The following HTR1F variants were observed in gnomAD, a reference collection of about 807,000 sequenced individuals.
HTR1F encodes 5-hydroxytryptamine receptor 1F, also known as 5-hydroxytryptamine (serotonin) receptor 1F, G protein-coupled.
HTR1F carries 17 observed loss-of-function variants against 24.0 expected under a neutral mutation model. The ratio of observed to expected loss-of-function variants is 0.71; its 90% CI spans 0.48 to 1.06. The LOEUF (loss-of-function observed/expected upper bound fraction) is 1.06. Ranked by LOEUF, HTR1F falls within the 50% of genes least tolerant of loss-of-function variation. The pLI is 0.00. For missense variants in HTR1F, 391 were observed against 427.8 expected, an observed-to-expected ratio of 0.91 and a Z score of 0.76; for synonymous variants, 186 against 156.8, an observed-to-expected ratio of 1.19 and a Z score of -1.39.
Position 87,836,276 on chromosome 3 carries a change from A to G in HTR1F, c.-43+14152A>G, listed in dbSNP as rs1375553878. ...AAGTTAATGTAGTCATAAAATTACC[A>G]TTAGCGAGAGAATAGTCTCATTCAT... On this transcript the variant is annotated intron_variant, in intron 2 of 2. Coordinates refer to ENST00000319595, the MANE Select transcript of HTR1F (RefSeq NM_001322209.2). 2.0e-5 allele frequency among the ~76,000 whole-genome samples: 3 copies of G among 152,310 alleles called. No homozygotes were observed. The East Asian group carries it at 5.8e-4, about 29-fold the overall frequency.
At chr3:87,882,434 A>G (rs575952473) in intron 2 of HTR1F, among the ~76,000 whole-genome samples, 174 of 152,228 alleles carry the variant, frequency 1.1e-3, no homozygotes, top group African/African-American at 4.1e-3. Context: ...ACTATTCACA[A>G]TAGCAAAGAC....
At chr3:87,899,160 T>A (rs1351116826) in intron 2 of HTR1F, among the ~76,000 whole-genome samples, 1 of 152,198 alleles carries the variant, frequency 6.6e-6, no homozygotes, top group Non-Finnish European at 1.5e-5. Flanking sequence ...AATACTGTCC[T>A]TTGACAATGC....
intron 2 of HTR1F, among the ~76,000 whole-genome samples, chr3:87,874,114 G>C (rs969424981): frequency 2.6e-5 from 4 of 151,958 alleles, no homozygotes; most frequent in African/African-American, 9.7e-5. Context: ...CATGATAATG[G>C]AGTTCCTAGC....
chr3:87,890,924 C>T (rs930157627), intron 2 of HTR1F, among the ~76,000 whole-genome samples: 1 of 151,654 alleles, frequency 6.6e-6, no homozygotes, highest in Non-Finnish European at 1.5e-5. Context: ...TCACTGCAAC[C>T]TGTGCCTCCC....
chr3:87,860,627 T>C (rs1705297585), intron 2 of HTR1F, among the ~76,000 whole-genome samples: 1 of 152,194 alleles, frequency 6.6e-6, no homozygotes, highest in Non-Finnish European at 1.5e-5. Context: ...ATACACATAG[T>C]GAGAGATCCA....
At chr3:87,857,375 G>GATGT (rs1163442568) in intron 2 of HTR1F, among the ~76,000 whole-genome samples, 1 of 152,006 alleles carries the variant, frequency 6.6e-6, no homozygotes, top group African/African-American at 2.4e-5. Context: ...ATAGGAAATA[G>GATGT]ATGTTTTTAA....
chr3:87,798,752 C>G (rs1219393156), intron 1 of HTR1F, among the ~76,000 whole-genome samples: 2 of 152,290 alleles, frequency 1.3e-5, no homozygotes, highest in East Asian at 3.9e-4. Context: ...ACTGAAAACT[C>G]AGCTCACCGA....
At chr3:87,958,625 A>C (rs1704996517) in intron 2 of HTR1F, among the ~76,000 whole-genome samples, 1 of 151,612 alleles carries the variant, frequency 6.6e-6, no homozygotes, top group South Asian at 2.1e-4. Flanking sequence ...ATTGCTAATG[A>C]CTTTCTAACA....
intron 2 of HTR1F, among the ~76,000 whole-genome samples, chr3:87,987,791 TATA>T: frequency 7.1e-6 from 1 of 139,926 alleles, no homozygotes; most frequent in Non-Finnish European, 1.5e-5. Flanking sequence ...ATTTTATATA[TATA>T]AAATATATGT....
intron 2 of HTR1F, among the ~76,000 whole-genome samples, chr3:87,924,636 T>C (rs1704083033): frequency 6.6e-6 from 1 of 152,198 alleles, no homozygotes; most frequent in African/African-American, 2.4e-5. Context: ...ATAGCATTGC[T>C]GGGTACACTA....
chr3:87,821,002 T>C (rs1325494308), intron 1 of HTR1F, among the ~76,000 whole-genome samples: 1 of 152,180 alleles, frequency 6.6e-6, no homozygotes, highest in Non-Finnish European at 1.5e-5. Flanking sequence ...TCTCACTGAT[T>C]TGGACAACAA....
At position 87,800,630 on chromosome 3, in the gene HTR1F, T is replaced by G. The variant is rs1294620195; in HGVS notation, c.-160+7788T>G. Among the ~76,000 whole-genome samples the G allele has an allele frequency of 5.9e-5, 9 of 152,198 alleles. No individual in the cohort carries two copies. In the South Asian group the frequency reaches 6.2e-4, roughly 10 times the overall value. On this transcript the variant is annotated intron_variant, in intron 1 of 2. Coordinates refer to ENST00000319595, the MANE Select transcript of HTR1F (RefSeq NM_001322209.2). ...TGGAGTCTTTTCCATCTCTGTATCTTCAGACTGAATGAACTGTAGTGCTCA... is the reference window on the plus strand; with the variant it reads ...TGGAGTCTTTTCCATCTCTGTATCTGCAGACTGAATGAACTGTAGTGCTCA...
chr3:87,853,804 C>G (rs1705140765), intron 2 of HTR1F, among the ~76,000 whole-genome samples: 2 of 152,100 alleles, frequency 1.3e-5, no homozygotes, highest in African/African-American at 2.4e-5. Flanking sequence ...TTGCATTTCT[C>G]TAGTGATCAG....
At chr3:87,976,478 C>A (rs1705396945) in intron 2 of HTR1F, among the ~76,000 whole-genome samples, 1 of 152,082 alleles carries the variant, frequency 6.6e-6, no homozygotes, top group Non-Finnish European at 1.5e-5. Context: ...GTCTGGGCAA[C>A]ATAGCAAGAC....
intron 2 of HTR1F, among the ~76,000 whole-genome samples, chr3:87,917,335 C>A (rs559757143): frequency 6.8e-6 from 1 of 145,998 alleles, no homozygotes; most frequent in Non-Finnish European, 1.5e-5. Flanking sequence ...CCATACCCAG[C>A]AGAAGAATGG....
intron 2 of HTR1F, among the ~76,000 whole-genome samples, chr3:87,823,637 C>T (rs1012051740): frequency 1.3e-5 from 2 of 151,836 alleles, no homozygotes; most frequent in African/African-American, 4.8e-5. Context: ...ACCTCAGCCT[C>T]CCTAGTAGCT....
intron 2 of HTR1F, among the ~76,000 whole-genome samples, chr3:87,893,105 G>A (rs1009082943): frequency 1.6e-4 from 25 of 151,936 alleles, no homozygotes; most frequent in African/African-American, 5.5e-4. Context: ...AAAATATAAA[G>A]GGATTTGGTC....
intron 2 of HTR1F, among the ~76,000 whole-genome samples, chr3:87,870,545 A>G (rs1357480474): frequency 6.6e-6 from 1 of 152,106 alleles, no homozygotes; most frequent in Non-Finnish European, 1.5e-5. Flanking sequence ...TAAAGAAAAA[A>G]TGCCCAAAAC....
rs1311694888 is a variant in HTR1F, at chr3:87,806,048, A to G, written c.-160+13206A>G. ...TGTCTGGCTTATTTCACTCAACATA[A>G]TGACCGCCAGTTCCATGCACATGAC... On this transcript the variant is annotated intron_variant, in intron 1 of 2. Coordinates refer to ENST00000319595, the MANE Select transcript of HTR1F (RefSeq NM_001322209.2). Among the ~76,000 whole-genome samples, 3 of 152,146 alleles carry G rather than the reference A, an allele frequency of 2.0e-5. No homozygotes were observed. The East Asian group carries it at 5.8e-4, about 29-fold the overall frequency.
Sources: allele counts gnomAD v4.1 joint callset (sites outside exome capture counted in the v4.1 genomes callset), GRCh38; gene constraint gnomAD v4.1.1; transcripts MANE v1.5; gene names NCBI Gene and HGNC (gene_info 2026-07-23, HGNC 2026-07-21).